Variants in PLEC observed in about 807,000 individuals in gnomAD.
PLEC encodes the protein plectin.
In PLEC, 216 loss-of-function variants were observed where a neutral mutation model predicts 392.8. The observed-to-expected ratio is 0.55, with a 90% CI of 0.49 to 0.62. PLEC has a LOEUF of 0.62. Ranked by LOEUF, PLEC falls within the 20% of genes least tolerant of loss-of-function variation. PLEC has a pLI of 0.00. For missense variants in PLEC, 6,863 were observed against 6,563.4 expected, an observed-to-expected ratio of 1.05 and a Z score of -1.58; for synonymous variants, 3,621 against 2,980.6, an observed-to-expected ratio of 1.21 and a Z score of -7.00.
chr8:143,975,061 C>T (rs1199294189), upstream of PLEC: 4 of 1,189,482 alleles, frequency 3.4e-6, no homozygotes, highest in African/African-American at 6.0e-5. This position sits in a 1 kb window ranked among gnomAD's most constrained non-coding sequence, Gnocchi z 9.9. Context: ...CTCCGTGACC[C>T]GCAGATCCCC....
At chr8:143,970,008 C>T (rs1833337482) in intron 1 of PLEC, among the ~76,000 whole-genome samples, 1 of 152,078 alleles carries the variant, frequency 6.6e-6, no homozygotes, top group Non-Finnish European at 1.5e-5. Context: ...GCACTCTCTT[C>T]AGGACCCCTT....
At chr8:143,950,961 G>C (rs974492319), upstream of PLEC, 25 of 688,622 alleles carry the variant, frequency 3.6e-5, no homozygotes, top group East Asian at 3.6e-4. Flanking sequence ...ACGCCGGGCC[G>C]GCCCCCTCTG....
Position 143,920,388 on chromosome 8 carries a change from C to T in PLEC, c.9433G>A (p.Asp3145Asn). 2 of 1,591,648 alleles carry T rather than the reference C, an allele frequency of 1.3e-6. No homozygotes were observed. Among genetic ancestry groups the T allele is most frequent in the Non-Finnish European group, 8.5e-7 (1 of 1,172,152 alleles). ...DAQLSTGGIV[D>N]PSKSHRVPLD... Reference sequence around the variant, plus strand: ...GGCACGCGGTGGCTCTTGCTGGGGTCCACGATGCCGCCCGTGGACAGCTGG... The same window carrying T: ...GGCACGCGGTGGCTCTTGCTGGGGTTCACGATGCCGCCCGTGGACAGCTGG... The change falls in exon 32 of 32, where the codon GAC (aspartate) becomes AAC (asparagine). Residue 3145 changes from aspartate to asparagine, a missense_variant. By Grantham distance (23) the Asp-to-Asn change is conservative. Coordinates refer to ENST00000345136, the MANE Select transcript of PLEC (RefSeq NM_201384.3).
chr8:143,947,502 T>C (rs542784903), intron 1 of PLEC, among the ~76,000 whole-genome samples: 2 of 152,216 alleles, frequency 1.3e-5, no homozygotes, highest in South Asian at 2.1e-4. Flanking sequence ...CCCAGCACTT[T>C]GGGAGGCTGA....
At position 143,923,407 on chromosome 8, in the gene PLEC, G is replaced by A. The variant is rs369028979; in HGVS notation, c.6522C>T (p.Ala2174=). The A allele has an allele frequency of 2.8e-5, 45 of 1,610,544 alleles. No individual in the cohort carries two copies. The highest frequency in any genetic ancestry group is 6.7e-5 in the African/African-American group (5 of 74,866). ...GCGCCTTCTGCCGCAGCGTCTGCTC[G>A]GCGAATTTCTTATGCTTCTCCATCT... is the stretch of plus-strand genomic sequence containing the variant. ...DAEMEKHKKF[A]EQTLRQKAQV... Residue 2174 remains alanine, a synonymous_variant, in exon 31 of 32, where the codon GCC becomes GCT. Coordinates refer to ENST00000345136, the MANE Select transcript of PLEC (RefSeq NM_201384.3).
Position 143,927,211 on chromosome 8 carries a change from G to C in PLEC, c.3840+41C>G, listed in dbSNP as rs373287140. ...GAAAGCCCGCCATCATCCTGGCAAC[G>C]GTCCCGGACTTGGGGCCTGGTGCAG... On this transcript the variant is annotated intron_variant, in intron 28 of 31. Transcript: ENST00000345136. The C allele has an allele frequency of 3.1e-6, 5 of 1,596,102 alleles. No homozygotes were observed. In the South Asian group the frequency reaches 4.4e-5, roughly 14 times the overall value.
Position 143,932,978 on chromosome 8 carries a change from C to G in PLEC, c.1552G>C (p.Glu518Gln). ...TGCAGGTAGCGCAGAGTGGAGTCCT[C>G]CAGCTCGGGGCGCCTCTGCACACTC... ...LQSVQRRPEL[E>Q]DSTLRYLQDL... Residue 518 changes from glutamate (E) to glutamine (Q), a missense_variant, in exon 14 of 32, where the codon GAG becomes CAG. Transcript: ENST00000345136. The G allele has an allele frequency of 6.2e-7, 1 of 1,611,858 alleles. No homozygotes were observed. The highest frequency in any genetic ancestry group is 8.5e-7 in the Non-Finnish European group (1 of 1,179,658).
At position 143,924,006 on chromosome 8, in the gene PLEC, G is replaced by C; in HGVS notation, c.5923C>G (p.Leu1975Val). The change falls in exon 31 of 32, where the codon CTG (leucine) becomes GTG (valine). Residue 1975 changes from leucine (L) to valine (V), a missense_variant. Physicochemically the swap from Leu to Val is conservative, Grantham distance 32 (BLOSUM62 1). Transcript: ENST00000345136. The stretch of plus-strand genomic sequence containing the variant: ...CGCCGCCGCTCCTCCTCCGCCGCCA[G>C]CTGCCGCTGCCTCGCAGCCTCCAGC... ...AELEAARQRQ[L>V]AAEEERRRRE... 6.3e-7 allele frequency: 1 copy of C among 1,586,206 alleles called. No homozygotes were observed. The highest frequency in any genetic ancestry group is 8.5e-7 in the Non-Finnish European group (1 of 1,171,984).
chr8:143,917,977 C>A lies in PLEC; in HGVS notation c.11844G>T (p.Ser3948=). The A allele has an allele frequency of 6.2e-7, 1 of 1,612,750 alleles. No individual in the cohort carries two copies. The highest frequency in any genetic ancestry group is 8.5e-7 in the Non-Finnish European group (1 of 1,179,982). The part of the protein sequence containing the change: ...VFVDATKERL[S]VYQAMKKGII... ...TGCCCTTCTTCATGGCCTGGTACAC[C>A]GAGAGCCGTTCCTTGGTGGCGTCCA... The change falls in exon 32 of 32, where the codon TCG becomes TCT. Residue 3948 remains serine (S), a synonymous_variant. Transcript: ENST00000345136.
rs534269714 is a variant in PLEC at position 143,922,135 on chromosome 8, G to A, written c.7686C>T (p.Ala2562=). ...MEEARRRQHE[A]EEGVRRKQEE... ...CCTGCTTGCGCCGCACGCCCTCCTC[G>A]GCCTCATGCTGCCGCCGCCGCGCCT... is the stretch of plus-strand genomic sequence containing the variant. Residue 2562 remains alanine (A), a synonymous_variant, in exon 32 of 32, where the codon GCC becomes GCT. Coordinates refer to ENST00000345136, the MANE Select transcript of PLEC (RefSeq NM_201384.3). 5.7e-5 allele frequency: 88 copies of A among 1,540,906 alleles called. No homozygotes were observed. The Admixed American group carries it at 1.1e-3, about 20-fold the overall frequency.
chr8:143,924,530 G>A lies in PLEC; in HGVS notation c.5399C>T (p.Ala1800Val), dbSNP rs1554697905. 1 of 1,538,246 alleles carries A rather than the reference G, an allele frequency of 6.5e-7. No homozygotes were observed. Among genetic ancestry groups the A allele is most frequent in the Admixed American group, 1.9e-5 (1 of 52,376 alleles). The change falls in exon 31 of 32, where the codon GCC (alanine) becomes GTC (valine). Residue 1800 changes from alanine to valine, a missense_variant. Ala to Val is a moderately conservative substitution (Grantham distance 64). Transcript: ENST00000345136. The part of the protein sequence containing the change: ...EAEAGRFREL[A>V]EEAARLRALA... The stretch of plus-strand genomic sequence containing the variant: ...GGCACGCAGGCGGGCGGCCTCCTCG[G>A]CCAGCTCGCGGAACCGGCCGGCCTC...
rs1159571670 is a variant in PLEC, at chr8:143,920,919, G to T, written c.8902C>A (p.Gln2968Lys). 6 of 1,612,512 alleles carry T rather than the reference G, an allele frequency of 3.7e-6. No individual in the cohort carries two copies. The highest frequency in any genetic ancestry group is 5.1e-6 in the Non-Finnish European group (6 of 1,180,040). ...CCCTCAAAGCAAAGCCGGCCCTTCTGCTCCTGCTCCTCCACCACCGTGATG... is the reference window on the plus strand; with the variant it reads ...CCCTCAAAGCAAAGCCGGCCCTTCTTCTCCTGCTCCTCCACCACCGTGATG... ...IIITVVEEQE[Q>K]KGRLCFEGLR... The change falls in exon 32 of 32, where the codon CAG (glutamine) becomes AAG (lysine). Residue 2968 changes from glutamine (Q) to lysine (K), a missense_variant. Transcript: ENST00000345136.
chr8:143,931,827 C>T, intron 18 of PLEC, 110 bp downstream of exon 18: 2 of 1,417,790 alleles, frequency 1.4e-6, no homozygotes, highest in South Asian at 1.2e-5. Flanking sequence ...CAGGCAGCAG[C>T]TGGCAACGTC....
rs371672166 is a variant in PLEC, at chr8:143,920,869, G to A, written c.8952C>T (p.Ala2984=). The change falls in exon 32 of 32, where the codon GCC becomes GCT. Residue 2984 remains alanine, a synonymous_variant. Transcript: ENST00000345136. ...FEGLRSLVPA[A]ELLESRVIDR... Reference sequence around the variant, plus strand: ...CGATGACCCTGCTCTCCAGCAGCTCGGCGGCTGGCACCAGGCTGCGCAGGC... The same window carrying A: ...CGATGACCCTGCTCTCCAGCAGCTCAGCGGCTGGCACCAGGCTGCGCAGGC... The A allele has an allele frequency of 8.1e-5, 131 of 1,610,410 alleles. No individual in the cohort carries two copies. The highest frequency in any genetic ancestry group is 5.4e-4 in the East Asian group (24 of 44,854).
chr8:143,943,996 G>GGGACCGGAGCCTGCCCTGCCCGCA (rs1444091483), upstream of PLEC: 24 of 1,520,774 alleles, frequency 1.6e-5, no homozygotes, highest in Non-Finnish European at 2.0e-5. Flanking sequence ...GGGGAGCGCC[G>GGGACCGGAGCCTGCCCTGCCCGCA]GGACCGGAGC....
Position 143,937,219 on chromosome 8 carries a change from A to T in PLEC, c.288T>A (p.Arg96=), listed in dbSNP as rs782297734. Residue 96 remains arginine, a synonymous_variant, in exon 4 of 32, where the codon CGT becomes CGA. Transcript: ENST00000345136. The part of the protein sequence containing the change: ...DSLPREKGRM[R]FHKLQNVQIA... ...TCTGGACATTCTGCAGCTTGTGGAA[A>T]CGCATCCTCCCCTTCTCCCGGGGCT... 7.4e-6 allele frequency: 12 copies of T among 1,612,440 alleles called. No individual in the cohort carries two copies. The highest frequency in any genetic ancestry group is 3.3e-4 in the Middle Eastern group (2 of 6,050).
rs369517469 is a variant in PLEC at position 143,922,345 on chromosome 8, C to G, written c.7476G>C (p.Gln2492His). 1.7e-5 allele frequency: 27 copies of G among 1,605,110 alleles called. No individual in the cohort carries two copies. Among genetic ancestry groups the G allele is most frequent in the Non-Finnish European group, 2.2e-5 (26 of 1,179,980 alleles). ...TGTCCTTTTCAGAGAGGAAGCTTTG[C>G]TGCAGGGCCTGCGTCTCCTGCAGCA... is the stretch of plus-strand genomic sequence containing the variant. ...EQLLQETQAL[Q>H]QSFLSEKDSL... Residue 2492 changes from glutamine to histidine, a missense_variant, in exon 32 of 32, where the codon CAG (glutamine) becomes CAC (histidine). Gln to His is a conservative substitution (Grantham distance 24, BLOSUM62 0). Transcript: ENST00000345136.
At position 143,923,499 on chromosome 8, in the gene PLEC, G is replaced by C; in HGVS notation, c.6430C>G (p.Gln2144Glu). 1 of 1,595,878 alleles carries C rather than the reference G, an allele frequency of 6.3e-7. No individual in the cohort carries two copies. Among genetic ancestry groups the C allele is most frequent in the Non-Finnish European group, 8.5e-7 (1 of 1,174,350 alleles). Residue 2144 changes from glutamine to glutamate, a missense_variant, in exon 31 of 32, where the codon CAA (glutamine) becomes GAA (glutamate). Gln to Glu is a conservative substitution (Grantham distance 29). Coordinates refer to ENST00000345136, the MANE Select transcript of PLEC (RefSeq NM_201384.3). Reference protein sequence around the residue: ...AAEKLRKEAEQEAARRAQAEQ... With the variant: ...AAEKLRKEAEEEAARRAQAEQ... Reference sequence around the variant, plus strand: ...GCCTGTGCCCGCCGCGCCGCCTCTTGCTCGGCCTCCTTGCGCAGCTTCTCT... The same window carrying C: ...GCCTGTGCCCGCCGCGCCGCCTCTTCCTCGGCCTCCTTGCGCAGCTTCTCT...
chr8:143,958,234 T>C (rs181251652), upstream of PLEC, among the ~76,000 whole-genome samples: 411 of 152,102 alleles, frequency 2.7e-3, 3 homozygotes, highest in Non-Finnish European at 4.6e-3. The surrounding 1 kb of genome is among the most constrained non-coding windows in gnomAD (Gnocchi z 4.9). Flanking sequence ...GCGAGCTCAG[T>C]CGGGCCAGCC....
Sources: gnomAD v4.1 joint callset for allele counts (sites outside exome capture counted in the v4.1 genomes callset) on GRCh38, gnomAD v4.1.1 for gene constraint, Gnocchi (gnomAD v3.1) non-coding constraint, MANE v1.5 for transcripts, NCBI Gene and HGNC (gene_info 2026-07-23, HGNC 2026-07-21) for gene names.